The following CWH43 variants were observed in gnomAD, a reference collection of about 807,000 sequenced individuals.
The protein encoded by CWH43 is cell wall biogenesis 43 C-terminal homolog, also known as PGAP2-interacting protein.
A neutral mutation model predicts 85.7 loss-of-function variants in CWH43; 91 were observed. The observed-to-expected ratio is 1.06, with a 90% confidence interval of 0.90 to 1.26. The LOEUF (loss-of-function observed/expected upper bound fraction) is 1.26. Among genes scored for constraint, CWH43 ranks in the 50% most tolerant of loss-of-function variants. CWH43 has a pLI of 0.00. For synonymous variants in CWH43, 323 were observed against 293.6 expected, an observed-to-expected ratio of 1.10 and a Z score of -1.02; for missense variants, 869 against 839.2, an observed-to-expected ratio of 1.04 and a Z score of -0.44.
At chr4:49,004,909 T>TAAAAAATTTTTAAAA (rs1342180875) in intron 7 of CWH43, among the ~76,000 whole-genome samples, 19 of 152,224 alleles carry the variant, frequency 1.2e-4, no homozygotes, top group African/African-American at 4.6e-4. Context: ...TTTAATATTT[T>TAAAAAATTTTTAAAA]AAAAATTGGC....
chr4:49,055,119 CTGAG>C (rs1784911478), intron 15 of CWH43, among the ~76,000 whole-genome samples: 1 of 152,076 alleles, frequency 6.6e-6, no homozygotes, highest in Admixed American at 6.6e-5. Context: ...CTTTTAATCA[CTGAG>C]TATGATGTTA....
chr4:49,030,518 T>A (rs1313334832), intron 10 of CWH43, among the ~76,000 whole-genome samples: 1 of 152,202 alleles, frequency 6.6e-6, no homozygotes, highest in East Asian at 1.9e-4. Context: ...TGAACATAAA[T>A]TGGATATTTG....
intron 14 of CWH43, among the ~76,000 whole-genome samples, chr4:49,045,418 T>C (rs1408795314): frequency 6.6e-6 from 1 of 152,226 alleles, no homozygotes; most frequent in Non-Finnish European, 1.5e-5. Context: ...TAGAGTCATG[T>C]GCTGCTTAAT....
At chr4:48,997,825 G>T (rs1350123) in intron 5 of CWH43, among the ~76,000 whole-genome samples, 4 of 152,082 alleles carry the variant, frequency 2.6e-5, no homozygotes, top group South Asian at 4.2e-4. Context: ...AATAGTGCCT[G>T]GTATGTAGTG....
chr4:49,034,408 A>G (rs1012630946), intron 12 of CWH43, among the ~76,000 whole-genome samples: 9 of 152,158 alleles, frequency 5.9e-5, no homozygotes, highest in African/African-American at 2.2e-4. Flanking sequence ...AATATATCCC[A>G]AAATGTAAAG....
chr4:48,990,181 T>A (rs1275976684), intron 2 of CWH43, among the ~76,000 whole-genome samples: 2 of 152,320 alleles, frequency 1.3e-5, no homozygotes, highest in East Asian at 3.9e-4. Context: ...TTGGGGTAGA[T>A]ATTGTATTTT....
intron 8 of CWH43, among the ~76,000 whole-genome samples, chr4:49,012,424 T>C (rs1189555008): frequency 6.6e-6 from 1 of 152,248 alleles, no homozygotes; most frequent in Non-Finnish European, 1.5e-5. Flanking sequence ...AACAAGCTCC[T>C]TTAGCTCGGA....
At chr4:49,042,255 G>T (rs761500165) in intron 13 of CWH43, among the ~76,000 whole-genome samples, 1 of 152,106 alleles carries the variant, frequency 6.6e-6, no homozygotes, top group Non-Finnish European at 1.5e-5. Flanking sequence ...GGCTACTTGG[G>T]CCTCCTCTCT....
chr4:49,003,844 C>A lies in CWH43; in HGVS notation c.912C>A (p.His304Gln), dbSNP rs754788344. The A allele has an allele frequency of 1.9e-6, 3 of 1,613,982 alleles. No individual in the cohort carries two copies. Among genetic ancestry groups the A allele is most frequent in the Non-Finnish European group, 2.5e-6 (3 of 1,179,926 alleles). ...CCATGTGGCCCCAAACACTTGGACA[C>A]CTTATTAACTCAGGGACAAACCCTG... is the stretch of plus-strand genomic sequence containing the variant. ...TASMWPQTLG[H>Q]LINSGTNPGK... Residue 304 changes from histidine to glutamine, a missense_variant, in exon 7 of 16, where the codon CAC becomes CAA. Transcript: ENST00000226432.
intron 9 of CWH43, among the ~76,000 whole-genome samples, chr4:49,018,775 A>T (rs1426032777): frequency 6.6e-6 from 1 of 152,162 alleles, no homozygotes; most frequent in African/African-American, 2.4e-5. Context: ...AACATTTTTC[A>T]TTTTGAATAA....
At chr4:49,058,335 C>T (rs1457798056) in intron 15 of CWH43, among the ~76,000 whole-genome samples, 1 of 152,132 alleles carries the variant, frequency 6.6e-6, no homozygotes, top group Non-Finnish European at 1.5e-5. Flanking sequence ...ACAACTTTGT[C>T]TGCTGCATAT....
chr4:49,010,258 T>C (rs1256430737), intron 8 of CWH43, among the ~76,000 whole-genome samples: 1 of 152,222 alleles, frequency 6.6e-6, no homozygotes, highest in Non-Finnish European at 1.5e-5. Context: ...TCTAGTTTAT[T>C]TGCATAGAGG....
chr4:49,011,269 G>T (rs1226962904), intron 8 of CWH43, among the ~76,000 whole-genome samples: 1 of 152,058 alleles, frequency 6.6e-6, no homozygotes, highest in African/African-American at 2.4e-5. Flanking sequence ...TTGGTTTAAA[G>T]CCTGTTGTAT....
At chr4:49,030,718 T>C (rs1302466461) in intron 10 of CWH43, 107 bp from the exon 11 acceptor site, 2 of 1,080,638 alleles carry the variant, frequency 1.9e-6, no homozygotes, top group African/African-American at 1.6e-5. Flanking sequence ...TGTTTTTGGG[T>C]TTATCAGTAA....
chr4:49,061,086 A>G (rs1295557440), intron 15 of CWH43, among the ~76,000 whole-genome samples: 1 of 152,282 alleles, frequency 6.6e-6, no homozygotes, highest in East Asian at 1.9e-4. Flanking sequence ...TTGCATATTT[A>G]TTATTTTATT....
At chr4:49,024,802 T>G (rs2109796008) in intron 9 of CWH43, among the ~76,000 whole-genome samples, 1 of 152,220 alleles carries the variant, frequency 6.6e-6, no homozygotes, top group South Asian at 2.1e-4. Context: ...TTTGTCTTGA[T>G]TTTAGATAAC....
At chr4:49,042,311 A>G (rs2605237) in intron 13 of CWH43, among the ~76,000 whole-genome samples, 88,481 of 152,096 alleles carry the variant, frequency 0.58, 28,933 homozygotes, top group Admixed American at 0.75. Context: ...GAGAACAAGA[A>G]AAAGCCTGTA....
At chr4:49,012,269 A>C (rs1783389429) in intron 8 of CWH43, among the ~76,000 whole-genome samples, 1 of 152,180 alleles carries the variant, frequency 6.6e-6, no homozygotes, top group Non-Finnish European at 1.5e-5. Flanking sequence ...CAAATCAGCT[A>C]TTGAAGCTTG....
intron 9 of CWH43, 50 bp downstream of exon 9, chr4:49,017,378 G>A: frequency 7.9e-7 from 1 of 1,269,284 alleles, no homozygotes; most frequent in Non-Finnish European, 1.1e-6. Flanking sequence ...ATATATATGT[G>A]CATATATTTG....
Sources: gnomAD v4.1 joint callset for allele counts (sites outside exome capture counted in the v4.1 genomes callset) on GRCh38, gnomAD v4.1.1 for gene constraint, MANE v1.5 for transcripts, NCBI Gene and HGNC (gene_info 2026-07-23, HGNC 2026-07-21) for gene names.